PTPN2: variants seen among roughly 807,000 people sequenced by gnomAD.
PTPN2 encodes protein tyrosine phosphatase non-receptor type 2.
In PTPN2, 19 loss-of-function variants were observed where a neutral mutation model predicts 57.3. The observed-to-expected ratio is 0.33, with a 90% CI of 0.23 to 0.49. The LOEUF (loss-of-function observed/expected upper bound fraction) is 0.49, where lower values mean the gene tolerates loss of function less well. Ranked by LOEUF, PTPN2 falls within the 20% of genes least tolerant of loss-of-function variation. The pLI is 0.99. For synonymous variants in PTPN2, 153 were observed against 164.9 expected (o/e 0.93, Z 0.55); for missense variants, 358 against 501.1 (o/e 0.71, Z 2.73).
chr18:12,870,340 T>C lies in PTPN2; in HGVS notation c.70-11086A>G, dbSNP rs370363548. Among the ~76,000 whole-genome samples, 151 of 39,730 alleles carry C rather than the reference T, an allele frequency of 3.8e-3. 18 individuals carry two copies. The highest frequency in any genetic ancestry group is 0.011 in the Middle Eastern group (1 of 92). The allele number at this position is 39,730 out of a possible 152,430, so 26.1% of individuals were successfully genotyped here. ...ATATGTGTATATATATGTATATATA[T>C]ACATATATATGTGTATATATATGTG... On this transcript the variant is annotated intron_variant, in intron 1 of 8. Coordinates refer to ENST00000309660, the MANE Select transcript of PTPN2 (RefSeq NM_002828.4).
In PTPN2 at chr18:12,850,593, ATTGT is replaced by A. The variant is rs778374503; in HGVS notation, c.160+8567_160+8570del. Among the ~76,000 whole-genome samples, 266 of 152,184 alleles carry A rather than the reference ATTGT, an allele frequency of 1.7e-3. 2 individuals carry two copies. Among genetic ancestry groups the A allele is most frequent in the Non-Finnish European group, 2.7e-3 (187 of 68,000 alleles). On this transcript the variant is annotated intron_variant, in intron 2 of 8. Coordinates refer to ENST00000309660, the MANE Select transcript of PTPN2 (RefSeq NM_002828.4). The stretch of plus-strand genomic sequence containing the variant: ...AGTTTTGATAAGCAGTATTTTATAT[ATTGT>A]TTATTTTTAAGTTTCCATTATAATT...
At chr18:12,844,691 G>C (rs1425066108) in intron 2 of PTPN2, among the ~76,000 whole-genome samples, 8 of 152,158 alleles carry the variant, frequency 5.3e-5, no homozygotes, top group African/African-American at 1.9e-4. Context: ...TTTTCTCCAA[G>C]TCTGTACTCA....
intron 5 of PTPN2, among the ~76,000 whole-genome samples, chr18:12,821,129 A>G (rs1337952146): frequency 6.6e-6 from 1 of 151,210 alleles, no homozygotes; most frequent in Non-Finnish European, 1.5e-5. Flanking sequence ...CACTTTAGGT[A>G]TATATGGAAG....
intron 7 of PTPN2, among the ~76,000 whole-genome samples, chr18:12,811,474 T>C (rs1346584422): frequency 2.0e-5 from 3 of 151,954 alleles, no homozygotes; most frequent in Non-Finnish European, 4.4e-5. Flanking sequence ...AGGAAAGCAC[T>C]CGGCAGAGAG....
intron 2 of PTPN2, among the ~76,000 whole-genome samples, chr18:12,855,634 G>C (rs552094450): frequency 2.6e-5 from 4 of 152,208 alleles, no homozygotes; most frequent in Admixed American, 2.6e-4. Context: ...AATTTACTCG[G>C]TGCAGAGCTG....
chr18:12,871,922 C>A (rs1411123421), intron 1 of PTPN2, among the ~76,000 whole-genome samples: 1 of 152,034 alleles, frequency 6.6e-6, no homozygotes, highest in Non-Finnish European at 1.5e-5. Flanking sequence ...GTGGTGCACG[C>A]CTGTAATCCC....
intron 1 of PTPN2, among the ~76,000 whole-genome samples, chr18:12,874,311 GC>G (rs2044393503): frequency 1.7e-5 from 2 of 117,082 alleles, no homozygotes; most frequent in African/African-American, 7.3e-5. Flanking sequence ...GGGGGGGTCA[GC>G]CCCCCGCTTG....
intron 1 of PTPN2, among the ~76,000 whole-genome samples, chr18:12,874,828 A>G (rs2044431063): frequency 6.6e-6 from 1 of 152,210 alleles, no homozygotes; most frequent in South Asian, 2.1e-4. Flanking sequence ...CATTGAGAAC[A>G]GGCCATGATG....
At chr18:12,868,302 G>T (rs143536244) in intron 1 of PTPN2, among the ~76,000 whole-genome samples, 1 of 152,158 alleles carries the variant, frequency 6.6e-6, no homozygotes, top group Non-Finnish European at 1.5e-5. Flanking sequence ...TGGAGAGACT[G>T]GAGTGAAGTG....
chr18:12,884,170 A>T lies in PTPN2; in HGVS notation c.-29T>A. On this transcript the variant is annotated 5_prime_UTR_variant, in exon 1 of 9. Coordinates refer to ENST00000309660, the MANE Select transcript of PTPN2 (RefSeq NM_002828.4). ...TGCGGGAGCGAGCTGGCGCGAGCAG[A>T]GCCTGCGCCGGCGGAGAGGCTCAGG... 1 of 1,556,762 alleles carries T rather than the reference A, an allele frequency of 6.4e-7. No homozygotes were observed. Among genetic ancestry groups the T allele is most frequent in the South Asian group, 1.2e-5 (1 of 84,870 alleles).
chr18:12,819,073 A>G (rs935218577), intron 5 of PTPN2: 1 of 383,904 alleles, frequency 2.6e-6, no homozygotes. Flanking sequence ...CAGCCTGGAC[A>G]ACGAGAGCGA....
chr18:12,846,403 T>A (rs932200187), intron 2 of PTPN2, among the ~76,000 whole-genome samples: 1 of 152,240 alleles, frequency 6.6e-6, no homozygotes, highest in African/African-American at 2.4e-5. Flanking sequence ...CTATCCCTCA[T>A]TTATGTATTC....
chr18:12,817,306 G>T lies in PTPN2; in HGVS notation c.555C>A (p.Val185=), dbSNP rs145894346. Reference sequence around the variant, plus strand: ...TGAGAAATGAAGCTGGTGATTCAGGGACTCCAAAATCTGGCCAGGTAGTAT... The same window carrying T: ...TGAGAAATGAAGCTGGTGATTCAGGTACTCCAAAATCTGGCCAGGTAGTAT... ...FHYTTWPDFG[V]PESPASFLNF... Residue 185 remains valine, a synonymous_variant, in exon 6 of 9, where the codon GTC becomes GTA. Coordinates refer to ENST00000309660, the MANE Select transcript of PTPN2 (RefSeq NM_002828.4). 522 of 1,614,052 alleles carry T rather than the reference G, an allele frequency of 3.2e-4. 2 individuals are homozygous for T. The Middle Eastern group carries it at 4.6e-3, about 14-fold the overall frequency.
In PTPN2 at chr18:12,793,749, T is replaced by G. The variant is rs2041057682; in HGVS notation, c.*529A>C. On this transcript the variant is annotated 3_prime_UTR_variant, in exon 9 of 9. Transcript: ENST00000309660. ...CAAATTGAGCTCTTAAAAAGTACAG[T>G]TAACTACAAAAGATTAAATAGATAC... 1.1e-6 allele frequency: 1 copy of G among 944,204 alleles called. No homozygotes were observed. The highest frequency in any genetic ancestry group is 1.3e-6 in the Non-Finnish European group (1 of 792,008). 58.5% of individuals were successfully genotyped at this position (944,204 alleles called of 1,614,324 possible).
chr18:12,811,816 G>T (rs990093778), intron 7 of PTPN2, among the ~76,000 whole-genome samples: 20 of 152,242 alleles, frequency 1.3e-4, no homozygotes, highest in Admixed American at 1.1e-3. Context: ...CTCATTTTGA[G>T]GCCTGGTACT....
chr18:12,872,837 CACA>C (rs1156592982), intron 1 of PTPN2, among the ~76,000 whole-genome samples: 1 of 152,218 alleles, frequency 6.6e-6, no homozygotes, highest in African/African-American at 2.4e-5. Flanking sequence ...ATTAAATCGG[CACA>C]ACATTTAAAT....
At chr18:12,819,203 A>G (rs1340447402) in intron 5 of PTPN2, 4 of 1,323,464 alleles carry the variant, frequency 3.0e-6, no homozygotes, top group Non-Finnish European at 4.1e-6. Context: ...AATTTTCTAA[A>G]AAGTACATAC....
chr18:12,808,379 G>T (rs2145279476), intron 7 of PTPN2, among the ~76,000 whole-genome samples: 1 of 152,202 alleles, frequency 6.6e-6, no homozygotes, highest in South Asian at 2.1e-4. Flanking sequence ...ACAAAGAAAA[G>T]ATAAATGTAT....
At chr18:12,827,342 C>CAAAAA (rs200266093) in intron 4 of PTPN2, among the ~76,000 whole-genome samples, 1 of 136,638 alleles carries the variant, frequency 7.3e-6, no homozygotes, top group Non-Finnish European at 1.5e-5. Context: ...GACTCCGTCT[C>CAAAAA]AAAAAAAAAA....
Sources: gnomAD v4.1 joint callset for allele counts (sites outside exome capture counted in the v4.1 genomes callset) on GRCh38, gnomAD v4.1.1 for gene constraint, MANE v1.5 for transcripts, NCBI Gene and HGNC (gene_info 2026-07-23, HGNC 2026-07-21) for gene names.